Variants in HSD17B3 observed in about 807,000 individuals in gnomAD.
The protein encoded by HSD17B3 is 17-beta-hydroxysteroid dehydrogenase type 3.
HSD17B3 carries 29 observed loss-of-function variants against 41.1 expected under a neutral mutation model. The observed-to-expected ratio is 0.71, with a 90% CI of 0.53 to 0.96. HSD17B3 has a LOEUF of 0.96. Among genes scored for constraint, HSD17B3 ranks in the 40% least tolerant of loss-of-function variants. The pLI is 0.00. For synonymous variants in HSD17B3, 126 were observed against 145.6 expected (o/e 0.87, Z 0.97); for missense variants, 323 against 374.6 (o/e 0.86, Z 1.14).
At chr9:96,272,405 C>CTCTCTCTCTCTCTCTCTCTCTCTCTA (rs1239816824) in intron 2 of HSD17B3, among the ~76,000 whole-genome samples, 2 of 21,538 alleles carry the variant, frequency 9.3e-5, no homozygotes, top group Non-Finnish European at 1.8e-4. Context: ...CTCTCTCTCT[C>CTCTCTCTCTCTCTCTCTCTCTCTCTA]TATATATATA....
intron 2 of HSD17B3, among the ~76,000 whole-genome samples, chr9:96,261,819 G>A (rs1825872085): frequency 6.6e-6 from 1 of 152,214 alleles, no homozygotes; most frequent in South Asian, 2.1e-4. Context: ...TGACAGAATG[G>A]AGAACTGCTA....
intron 10 of HSD17B3, among the ~76,000 whole-genome samples, 191 bp downstream of exon 10, chr9:96,240,567 A>G (rs1215484534): frequency 9.2e-5 from 14 of 152,048 alleles, no homozygotes; most frequent in Non-Finnish European, 1.5e-5. Context: ...AGACTTGCCA[A>G]CTTCGGGGTT....
intron 2 of HSD17B3, among the ~76,000 whole-genome samples, chr9:96,268,547 T>G (rs562159781): frequency 8.4e-4 from 125 of 149,646 alleles, no homozygotes; most frequent in African/African-American, 2.8e-3. Flanking sequence ...GTCTTACAGA[T>G]AGATTCTATC....
At chr9:96,245,448 T>C in intron 7 of HSD17B3, 22 bp from the exon 8 acceptor site, 1 of 1,587,550 alleles carries the variant, frequency 6.3e-7, no homozygotes, top group Non-Finnish European at 8.7e-7. Context: ...AGAAGCAAAG[T>C]TCCCATGGCT....
intron 6 of HSD17B3, 145 bp from the exon 7 acceptor site, chr9:96,246,735 T>G: frequency 1.3e-6 from 1 of 745,762 alleles, no homozygotes; most frequent in Non-Finnish European, 2.4e-6. Context: ...TGGCACTCAT[T>G]GGAGGTCACT....
At chr9:96,239,782 T>C (rs1188882191) in intron 10 of HSD17B3, 2 of 152,224 alleles carry the variant, frequency 1.3e-5, no homozygotes, top group Non-Finnish European at 2.9e-5. Flanking sequence ...TATGCCAATG[T>C]TATGTTTGCT....
In HSD17B3 at chr9:96,299,153, G is replaced by C. The variant is rs151102576; in HGVS notation, c.155-691C>G. Among the ~76,000 whole-genome samples the C allele has an allele frequency of 5.2e-3, 789 of 152,182 alleles. 8 individuals are homozygous for C. The highest frequency in any genetic ancestry group is 0.018 in the African/African-American group (749 of 41,526). ...TTGAGCTCTAGTATACGCTTCATTC[G>C]TGAGAACGTCACAATTTCAAAATTC... On this transcript the variant is annotated intron_variant, in intron 1 of 10. Coordinates refer to ENST00000375263, the MANE Select transcript of HSD17B3 (RefSeq NM_000197.2).
intron 2 of HSD17B3, among the ~76,000 whole-genome samples, chr9:96,280,549 A>C (rs1043277607): frequency 3.3e-5 from 5 of 152,134 alleles, no homozygotes; most frequent in African/African-American, 1.2e-4. Flanking sequence ...ATTTGGAGAG[A>C]GTTTAATATG....
chr9:96,293,661 A>ATGTG (rs113941501), intron 2 of HSD17B3, among the ~76,000 whole-genome samples: 3 of 146,278 alleles, frequency 2.1e-5, no homozygotes, highest in African/African-American at 7.6e-5. Flanking sequence ...CTGTGTGTGT[A>ATGTG]TGTGTGTGTG....
rs34131940 is a variant in HSD17B3 at position 96,250,887 on chromosome 9, C to CA, written c.453+530dup. On this transcript the variant is annotated intron_variant, in intron 5 of 10. Coordinates refer to ENST00000375263, the MANE Select transcript of HSD17B3 (RefSeq NM_000197.2). ...TGGGCGACAGAGGGAGACTCCATCT[C>CA]AAAAAAAAAAAAAAAGAACTGTTAA... Among the ~76,000 whole-genome samples the CA allele has an allele frequency of 2.2e-3, 253 of 115,244 alleles. 3 individuals are homozygous for CA. Among genetic ancestry groups the CA allele is most frequent in the South Asian group, 4.7e-3 (15 of 3,206 alleles). 75.6% of individuals were successfully genotyped at this position (115,244 alleles called of 152,430 possible).
chr9:96,235,435 T>C lies in HSD17B3; in HGVS notation c.*25A>G, dbSNP rs34268513. On this transcript the variant is annotated 3_prime_UTR_variant, in exon 11 of 11. Transcript: ENST00000375263. ...CAGCATGGGACTGGTGAGGAAAAGG[T>C]TGTGCTGGACTCCTCACCGCCTGGC... The C allele has an allele frequency of 2.8e-5, 42 of 1,519,842 alleles. No homozygotes were observed. The African/African-American group carries it at 5.0e-4, about 18-fold the overall frequency. 94.1% of individuals were successfully genotyped at this position (1,519,842 alleles called of 1,614,324 possible).
At chr9:96,251,672 T>C (rs1825418950) in intron 4 of HSD17B3, among the ~76,000 whole-genome samples, 187 bp from the exon 5 acceptor site, 2 of 152,226 alleles carry the variant, frequency 1.3e-5, no homozygotes, top group African/African-American at 4.8e-5. Context: ...GGGGTTGTCA[T>C]ATGTTGGAAT....
intron 2 of HSD17B3, among the ~76,000 whole-genome samples, chr9:96,255,274 A>G (rs1229792087): frequency 6.6e-6 from 1 of 151,304 alleles, no homozygotes; most frequent in African/African-American, 2.4e-5. Flanking sequence ...TATGCATCAG[A>G]ATTTAAAATA....
chr9:96,282,184 C>T (rs1052329934), intron 2 of HSD17B3, among the ~76,000 whole-genome samples: 1 of 152,098 alleles, frequency 6.6e-6, no homozygotes, highest in Non-Finnish European at 1.5e-5. Flanking sequence ...AGAATGGTGG[C>T]CTGGGTTCAA....
intron 2 of HSD17B3, among the ~76,000 whole-genome samples, chr9:96,295,479 C>A (rs945053363): frequency 5.9e-5 from 9 of 151,920 alleles, no homozygotes; most frequent in Non-Finnish European, 1.2e-4. Flanking sequence ...GGATTACAAG[C>A]ACCCGCCACC....
intron 6 of HSD17B3, among the ~76,000 whole-genome samples, chr9:96,247,988 T>C (rs537990421): frequency 6.6e-6 from 1 of 152,332 alleles, no homozygotes; most frequent in South Asian, 2.1e-4. Context: ...ATTTATTTTA[T>C]TTCATACTTA....
chr9:96,290,267 G>A lies in HSD17B3; in HGVS notation c.201+8149C>T, dbSNP rs150055083. ...CCACTCTAAATGTAAACGCAGATTCGGTTAAATGCAGTGAAGAATAAGCTT... is the reference window on the plus strand; with the variant it reads ...CCACTCTAAATGTAAACGCAGATTCAGTTAAATGCAGTGAAGAATAAGCTT... On this transcript the variant is annotated intron_variant, in intron 2 of 10. Transcript: ENST00000375263. 8.6e-5 allele frequency among the ~76,000 whole-genome samples: 13 copies of A among 151,998 alleles called. No homozygotes were observed. In the East Asian group the frequency reaches 1.6e-3, roughly 18 times the overall value.
chr9:96,269,732 C>T (rs150910308), intron 2 of HSD17B3, among the ~76,000 whole-genome samples: 33 of 151,854 alleles, frequency 2.2e-4, no homozygotes, highest in African/African-American at 3.6e-4. Flanking sequence ...AGTGAAACCC[C>T]GTCTCTAGTA....
At chr9:96,273,057 T>C (rs1826324601) in intron 2 of HSD17B3, among the ~76,000 whole-genome samples, 1 of 152,180 alleles carries the variant, frequency 6.6e-6, no homozygotes. Context: ...CAGAAGGGAC[T>C]GGGAGGAAAG....
Sources: gnomAD v4.1 joint callset for allele counts (sites outside exome capture counted in the v4.1 genomes callset) on GRCh38, gnomAD v4.1.1 for gene constraint, MANE v1.5 for transcripts, NCBI Gene and HGNC (gene_info 2026-07-23, HGNC 2026-07-21) for gene names.